Variants in VPS13C observed in about 807,000 individuals in gnomAD.
The protein encoded by VPS13C is intermembrane lipid transfer protein VPS13C.
Under a neutral mutation model 456.8 loss-of-function variants are expected in VPS13C, and 358 were observed. The observed-to-expected ratio is 0.78, with a 90% confidence interval of 0.72 to 0.86. The LOEUF is 0.86. VPS13C is among the 40% of genes least tolerant of loss of function. The pLI is 0.00. For synonymous variants in VPS13C, 1,578 were observed against 1,486.7 expected, an observed-to-expected ratio of 1.06 and a Z score of -1.41; for missense variants, 4,818 against 4,385.4, an observed-to-expected ratio of 1.10 and a Z score of -2.79.
At chr15:61,969,041 A>T (rs1472055998) in intron 28 of VPS13C, among the ~76,000 whole-genome samples, 2 of 152,110 alleles carry the variant, frequency 1.3e-5, no homozygotes, top group African/African-American at 4.8e-5. Context: ...TGGTTCAGTC[A>T]ATTACTAGCC....
chr15:61,884,722 C>G lies in VPS13C; in HGVS notation c.9342-453G>C, dbSNP rs149810043. Among the ~76,000 whole-genome samples, 628 of 151,852 alleles carry G rather than the reference C, an allele frequency of 4.1e-3. 4 individuals are homozygous for G. Among genetic ancestry groups the G allele is most frequent in the African/African-American group, 0.014 (593 of 41,440 alleles). The stretch of plus-strand genomic sequence containing the variant: ...CTTCTTTTGTGAAAGTAACATGTCA[C>G]TTAGTGTTATTTATTACCAAAATCT... On this transcript the variant is annotated intron_variant, in intron 67 of 84. Transcript: ENST00000644861.
rs1021208635 is a variant in VPS13C, at chr15:62,010,560, T to A, written c.923A>T (p.Asn308Ile). ...PISASAKLYM[N>I]PYAESELKTP... ...TTTGAGCTCTGATTCTGCATAAGGA[T>A]TCATGTAGAGTTTTGCAGAGGCTGA... The change falls in exon 13 of 85, where the codon AAT becomes ATT. Residue 308 changes from asparagine (N) to isoleucine (I), a missense_variant. Asn to Ile is a moderately radical substitution (Grantham distance 149, BLOSUM62 -3). This residue lies in a region of VPS13C where 4,552 missense variants were observed against 4,130.6 expected (regional missense o/e 1.10). Transcript: ENST00000644861. The A allele has an allele frequency of 3.7e-6, 6 of 1,613,114 alleles. No homozygotes were observed. The highest frequency in any genetic ancestry group is 5.1e-6 in the Non-Finnish European group (6 of 1,179,672).
intron 48 of VPS13C, chr15:61,935,877 C>A (rs928079530): frequency 5.9e-5 from 9 of 152,104 alleles, no homozygotes; most frequent in Non-Finnish European, 2.9e-5. Context: ...GGTATGAGAG[C>A]ATTAGAAAAG....
chr15:61,967,325 T>A, intron 29 of VPS13C, 43 bp downstream of exon 29: 1 of 1,505,482 alleles, frequency 6.6e-7, no homozygotes, highest in Non-Finnish European at 9.2e-7. Context: ...AGAGAAATAG[T>A]TTGGAGTAAA....
chr15:61,946,414 T>C lies in VPS13C; in HGVS notation c.4877-4A>G, dbSNP rs374618682. ...ACAGAAATAGAGGCATCCATTCCTA[T>C]AGGAAACATAACATTTATAAACTTT... is the stretch of plus-strand genomic sequence containing the variant. On this transcript the variant is annotated splice_region_variant and splice_polypyrimidine_tract_variant and intron_variant, in intron 43 of 84. Transcript: ENST00000644861. 1.1e-5 allele frequency: 18 copies of C among 1,589,410 alleles called. No individual in the cohort carries two copies. Among genetic ancestry groups the C allele is most frequent in the East Asian group, 6.8e-5 (3 of 44,224 alleles).
At position 61,969,366 on chromosome 15, in the gene VPS13C, C is replaced by T. The variant is rs1176286543; in HGVS notation, c.2844G>A (p.Met948Ile). ...ATACCACAGTTAAGTCAAATGTTCT[C>T]ATTGTGGCCTCTGTTCCTAACTGAG... ...NVTQLGTEATMRTFDLTVVSY... is the reference protein window; with the variant it reads ...NVTQLGTEATIRTFDLTVVSY... The change falls in exon 28 of 85, where the codon ATG becomes ATA. Residue 948 changes from methionine (M) to isoleucine (I), a missense_variant. Around this residue, in one of 3 missense-constraint regions of VPS13C, gnomAD observed 4,552 missense variants for 4,130.6 expected, o/e 1.10. Transcript: ENST00000644861. The T allele has an allele frequency of 1.2e-6, 2 of 1,603,300 alleles. No individual in the cohort carries two copies. Among genetic ancestry groups the T allele is most frequent in the Non-Finnish European group, 1.7e-6 (2 of 1,175,194 alleles).
intron 82 of VPS13C, among the ~76,000 whole-genome samples, chr15:61,857,165 G>C (rs1263615811): frequency 6.6e-6 from 1 of 152,110 alleles, no homozygotes; most frequent in African/African-American, 2.4e-5. Flanking sequence ...CAAATATTTA[G>C]GGTGCCAGAG....
chr15:62,057,182 C>G (rs1172716071), intron 1 of VPS13C, among the ~76,000 whole-genome samples: 1 of 152,124 alleles, frequency 6.6e-6, no homozygotes, highest in Non-Finnish European at 1.5e-5. Context: ...TCTTCCCTTT[C>G]TCAAGACTTG....
chr15:61,987,062 C>T (rs75436576), intron 18 of VPS13C, among the ~76,000 whole-genome samples: 1,794 of 151,972 alleles, frequency 0.012, 44 homozygotes, highest in African/African-American at 0.042. Context: ...CTGGAATATT[C>T]GATATTGCTA....
At chr15:61,924,346 C>T (rs1044943951) in intron 53 of VPS13C, among the ~76,000 whole-genome samples, 3 of 152,202 alleles carry the variant, frequency 2.0e-5, no homozygotes, top group African/African-American at 7.2e-5. Context: ...GGCCCCATGC[C>T]TGTGCTCCCA....
intron 1 of VPS13C, among the ~76,000 whole-genome samples, chr15:62,059,821 T>C (rs960595166): frequency 2.7e-4 from 41 of 152,344 alleles, no homozygotes; most frequent in African/African-American, 9.1e-4. Flanking sequence ...TGTAAAATGA[T>C]AGTGAAGATA....
intron 16 of VPS13C, among the ~76,000 whole-genome samples, chr15:61,999,150 G>T (rs1315232986): frequency 6.6e-6 from 1 of 152,078 alleles, no homozygotes; most frequent in African/African-American, 2.4e-5. Flanking sequence ...AGGCCAAGGC[G>T]GGTGGATCAC....
chr15:62,006,136 G>T (rs1056193340), intron 15 of VPS13C, among the ~76,000 whole-genome samples: 1 of 151,112 alleles, frequency 6.6e-6, no homozygotes, highest in Non-Finnish European at 1.5e-5. Flanking sequence ...TAAGTTCTAG[G>T]GTACATGCGC....
chr15:61,881,918 CATCA>C, intron 69 of VPS13C, 90 bp from the exon 70 acceptor site: 1 of 1,154,652 alleles, frequency 8.7e-7, no homozygotes, highest in Admixed American at 2.9e-5. Context: ...CCACCACTTT[CATCA>C]TAATTAAGTG....
At chr15:61,896,000 T>C (rs939614332) in intron 66 of VPS13C, among the ~76,000 whole-genome samples, 1 of 152,186 alleles carries the variant, frequency 6.6e-6, no homozygotes, top group Admixed American at 6.5e-5. Context: ...ATTTGAGATA[T>C]GAATATGTTA....
intron 47 of VPS13C, among the ~76,000 whole-genome samples, chr15:61,937,139 C>T (rs995585000): frequency 2.0e-5 from 3 of 152,164 alleles, no homozygotes; most frequent in Non-Finnish European, 2.9e-5. Flanking sequence ...AAATACAGGA[C>T]GAGTGTTGTT....
At chr15:62,008,823 T>A in intron 13 of VPS13C, 62 bp from the exon 14 acceptor site, 1 of 1,047,002 alleles carries the variant, frequency 9.6e-7, no homozygotes, top group Non-Finnish European at 1.3e-6. Flanking sequence ...AGACTAAATT[T>A]AATTCTATTT....
chr15:62,025,854 G>C (rs1341673545), intron 6 of VPS13C, among the ~76,000 whole-genome samples: 1 of 151,602 alleles, frequency 6.6e-6, no homozygotes, highest in African/African-American at 2.4e-5. Flanking sequence ...TATAACTACT[G>C]ATATTTACCA....
chr15:62,008,584 G>T, intron 14 of VPS13C, 71 bp downstream of exon 14: 1 of 1,044,992 alleles, frequency 9.6e-7, no homozygotes, highest in Non-Finnish European at 1.3e-6. Flanking sequence ...TTTAAAGGTT[G>T]CTTAACTCTG....
Sources: allele counts gnomAD v4.1 joint callset (sites outside exome capture counted in the v4.1 genomes callset), GRCh38; gene constraint gnomAD v4.1.1; regional missense constraint gnomAD v4.1.1; transcripts MANE v1.5; gene names NCBI Gene and HGNC (gene_info 2026-07-23, HGNC 2026-07-21).